Variants in WDR41 observed in about 807,000 individuals in gnomAD.
The protein encoded by WDR41 is WD repeat domain 41, also known as WD repeat-containing protein 41.
WDR41 carries 63 observed loss-of-function variants against 69.3 expected under a neutral mutation model. That is an observed-to-expected ratio of 0.91 (90% CI 0.74 to 1.12). The LOEUF (loss-of-function observed/expected upper bound fraction) is 1.12, where lower values mean the gene tolerates loss of function less well. Ranked by LOEUF, WDR41 falls within the 50% of genes most tolerant of loss-of-function variation. The probability of loss-of-function intolerance (pLI) is 0.00; values close to 1 mark genes in which losing one functional copy is unlikely to be tolerated. For synonymous variants in WDR41, 185 were observed against 192.1 expected (o/e 0.96, Z 0.31); for missense variants, 543 against 534.5 (o/e 1.02, Z -0.16).
intron 1 of WDR41, among the ~76,000 whole-genome samples, chr5:77,602,158 AGATG>A (rs1311727806): frequency 7.1e-6 from 1 of 141,174 alleles, no homozygotes; most frequent in East Asian, 2.0e-4. Context: ...TTTTTTTTTT[AGATG>A]GAGTTTCTCT....
At chr5:77,594,974 A>G (rs1744199096) in intron 1 of WDR41, among the ~76,000 whole-genome samples, 1 of 152,218 alleles carries the variant, frequency 6.6e-6, no homozygotes, top group African/African-American at 2.4e-5. Context: ...TGAAATAGTA[A>G]GAAAGGTGAA....
chr5:77,554,844 TG>T (rs1743362664), intron 1 of WDR41, among the ~76,000 whole-genome samples: 1 of 151,634 alleles, frequency 6.6e-6, no homozygotes, highest in African/African-American at 2.4e-5. Context: ...AGAGGCCGGG[TG>T]GGGTGGCTCA....
At chr5:77,514,534 G>A (rs1802264902) in intron 1 of WDR41, among the ~76,000 whole-genome samples, 1 of 152,124 alleles carries the variant, frequency 6.6e-6, no homozygotes, top group Non-Finnish European at 1.5e-5. Flanking sequence ...TGAGAACCAA[G>A]ACCATGTCTA....
At chr5:77,469,666 A>C (rs72769065) in intron 2 of WDR41, among the ~76,000 whole-genome samples, 2,754 of 152,276 alleles carry the variant, frequency 0.018, 35 homozygotes, top group Middle Eastern at 0.061. Flanking sequence ...CATTGAAAAA[A>C]TGCTAAGGGT....
intron 1 of WDR41, among the ~76,000 whole-genome samples, chr5:77,522,729 C>T (rs186755521): frequency 6.6e-6 from 1 of 152,058 alleles, no homozygotes; most frequent in African/African-American, 2.4e-5. Context: ...AGATAAGTCA[C>T]GAGTTCTCCA....
intron 1 of WDR41, among the ~76,000 whole-genome samples, chr5:77,557,113 G>T (rs1344203503): frequency 6.6e-6 from 1 of 152,076 alleles, no homozygotes; most frequent in East Asian, 1.9e-4. Flanking sequence ...AAAAGCAAAA[G>T]TATGAAACTT....
rs371035327 is a variant in WDR41, at chr5:77,536,606, G to A, written c.43-47034C>T. On this transcript the variant is annotated intron_variant, in intron 1 of 5. Transcript: ENST00000509971. Reference sequence around the variant, plus strand: ...GTCAATGACAAACCACATATATGATGTTGATCCTGTAAGATTATAATACCA... The same window carrying A: ...GTCAATGACAAACCACATATATGATATTGATCCTGTAAGATTATAATACCA... Among the ~76,000 whole-genome samples, 181 of 152,268 alleles carry A rather than the reference G, an allele frequency of 1.2e-3. 5 individuals are homozygous for A. In the South Asian group the frequency reaches 0.035, roughly 29 times the overall value.
At chr5:77,434,808 T>A (rs1798877039) in intron 12 of WDR41, among the ~76,000 whole-genome samples, 1 of 152,090 alleles carries the variant, frequency 6.6e-6, no homozygotes, top group South Asian at 2.1e-4. Context: ...ACACTTTCAC[T>A]CAGGAAAATT....
intron 1 of WDR41, among the ~76,000 whole-genome samples, chr5:77,591,173 T>C (rs1326381108): frequency 1.3e-5 from 2 of 152,154 alleles, no homozygotes; most frequent in Admixed American, 6.6e-5. Context: ...TGTTTAGGTA[T>C]ACATTTGTAT....
intron 1 of WDR41, among the ~76,000 whole-genome samples, chr5:77,556,024 A>G (rs1743382531): frequency 6.6e-6 from 1 of 151,716 alleles, no homozygotes; most frequent in Non-Finnish European, 1.5e-5. Context: ...AATAACCAAC[A>G]GTTGAAAACA....
intron 12 of WDR41, 35 bp from the exon 13 acceptor site, chr5:77,433,322 C>T (rs767616554): frequency 7.5e-6 from 12 of 1,594,810 alleles, no homozygotes; most frequent in Admixed American, 3.5e-5. Flanking sequence ...ATAGGGACCC[C>T]GAAAAGCAGA....
At chr5:77,620,006 G>A (rs1453959796) in intron 1 of WDR41, among the ~76,000 whole-genome samples, 2 of 152,012 alleles carry the variant, frequency 1.3e-5, no homozygotes, top group Non-Finnish European at 2.9e-5. Flanking sequence ...TGTGAAATAT[G>A]TCCAAGAAAT....
chr5:77,469,730 A>G (rs958432284), intron 2 of WDR41, among the ~76,000 whole-genome samples: 2 of 111,256 alleles, frequency 1.8e-5, no homozygotes, highest in African/African-American at 4.7e-5. Flanking sequence ...AAATTTAGAG[A>G]AAAAAAGGAT....
At chr5:77,584,106 A>G (rs946764977) in intron 1 of WDR41, among the ~76,000 whole-genome samples, 3 of 152,176 alleles carry the variant, frequency 2.0e-5, no homozygotes, top group African/African-American at 7.2e-5. Context: ...ATTAAAAGAC[A>G]TCTGTGAAAA....
At chr5:77,496,837 T>C (rs918461625), upstream of WDR41, among the ~76,000 whole-genome samples, 1 of 152,262 alleles carries the variant, frequency 6.6e-6, no homozygotes, top group East Asian at 1.9e-4. Context: ...GTTGGAGGAC[T>C]CACACTTCCC....
chr5:77,493,503 C>T (rs1801888172), upstream of WDR41, among the ~76,000 whole-genome samples: 1 of 152,152 alleles, frequency 6.6e-6, no homozygotes, highest in South Asian at 2.1e-4. Context: ...TGGTTGTGAG[C>T]AGCTACACAA....
At chr5:77,610,965 A>G (rs924401371) in intron 1 of WDR41, among the ~76,000 whole-genome samples, 6 of 152,230 alleles carry the variant, frequency 3.9e-5, no homozygotes, top group African/African-American at 1.4e-4. Flanking sequence ...AGGAAGATCT[A>G]CCAAGCAACT....
At chr5:77,451,640 A>C in intron 6 of WDR41, 1 of 278,978 alleles carries the variant, frequency 3.6e-6, no homozygotes, top group South Asian at 5.4e-5. Context: ...AGCAATTCAC[A>C]CTTATTTACC....
chr5:77,498,210 T>A (rs1184177547), intron 1 of WDR41, among the ~76,000 whole-genome samples: 1 of 152,166 alleles, frequency 6.6e-6, no homozygotes, highest in Non-Finnish European at 1.5e-5. Context: ...GTCACTGAAT[T>A]GTACAATTAC....
Sources: gnomAD v4.1 joint callset for allele counts (sites outside exome capture counted in the v4.1 genomes callset) on GRCh38, gnomAD v4.1.1 for gene constraint, MANE v1.5 for transcripts, NCBI Gene and HGNC (gene_info 2026-07-23, HGNC 2026-07-21) for gene names.